Variants in ACTR8 observed in about 807,000 individuals in gnomAD.
ACTR8 encodes actin related protein 8, also known as actin-related protein 8.
Under a neutral mutation model 84.3 loss-of-function variants are expected in ACTR8, and 70 were observed. That is an observed-to-expected ratio of 0.83 (90% CI 0.68 to 1.01). The LOEUF is 1.01. Among genes scored for constraint, ACTR8 ranks in the 50% least tolerant of loss-of-function variants. The probability of loss-of-function intolerance (pLI) is 0.00; values close to 1 mark genes in which losing one functional copy is unlikely to be tolerated. For missense variants in ACTR8, 672 were observed against 775.4 expected, an observed-to-expected ratio of 0.87 and a Z score of 1.58; for synonymous variants, 268 against 275.2, an observed-to-expected ratio of 0.97 and a Z score of 0.26.
rs767870734 is a variant in ACTR8, at chr3:53,870,931, A to G, written c.1567+301T>C. On this transcript the variant is annotated intron_variant, in intron 11 of 12. Coordinates refer to ENST00000335754, the MANE Select transcript of ACTR8 (RefSeq NM_022899.5). The surrounding 1 kb of genome is among the most constrained non-coding windows in gnomAD (Gnocchi z 4.1). ...TTCCTCAAATTATTACACAAATGTG[A>G]AAGTACCACTGGCAGGTGCTACAAA... Among the ~76,000 whole-genome samples the G allele has an allele frequency of 1.1e-4, 17 of 152,228 alleles. No individual in the cohort carries two copies. Among genetic ancestry groups the G allele is most frequent in the Non-Finnish European group, 1.9e-4 (13 of 68,036 alleles).
At chr3:53,877,420 T>A (rs1699992958) in intron 4 of ACTR8, 33 bp from the exon 5 acceptor site, 59 of 1,552,880 alleles carry the variant, frequency 3.8e-5, no homozygotes, top group Non-Finnish European at 5.1e-5. Flanking sequence ...AGTACTTTGT[T>A]AAAACTTTTC....
chr3:53,875,661 A>C (rs1174213908), intron 7 of ACTR8, among the ~76,000 whole-genome samples: 1 of 152,254 alleles, frequency 6.6e-6, no homozygotes, highest in East Asian at 1.9e-4. Context: ...AAAGACACGA[A>C]GCTACTGTTT....
rs1259452294 is a variant in ACTR8 at position 53,882,138 on chromosome 3, G to A, written c.-37C>T. 1.9e-6 allele frequency: 3 copies of A among 1,548,096 alleles called. No individual in the cohort carries two copies. Among genetic ancestry groups the A allele is most frequent in the African/African-American group, 2.7e-5 (2 of 73,038 alleles). On this transcript the variant is annotated 5_prime_UTR_variant, in exon 1 of 13. Transcript: ENST00000335754. ...ACACCCACCAACCTCTCGCCTCAGC[G>A]CTGCAGCCACGACTGCCGGGATGGA...
In ACTR8 at chr3:53,877,882, T is replaced by G. The variant is rs1700000803; in HGVS notation, c.406-131A>C. 3 of 689,546 alleles carry G rather than the reference T, an allele frequency of 4.4e-6. No homozygotes were observed. The Admixed American group carries it at 8.9e-5, about 20-fold the overall frequency. The allele number at this position is 689,546 out of a possible 1,614,324, so 42.7% of individuals were successfully genotyped here. A position where few individuals can be genotyped will look rare whatever the true frequency, so the allele number is the denominator to read the frequency against. ...TAATCACAAATATTTGGCAAAATAT[T>G]GACTGGCTGCAAAAGGATTCTCTTG... On this transcript the variant is annotated intron_variant, in intron 3 of 12. Transcript: ENST00000335754.
In ACTR8 at chr3:53,877,318, G is replaced by A; in HGVS notation, c.580C>T (p.His194Tyr). ...GTAAGAGAGCCCCCAGGGCCTGGGT[G>A]AATATTTAACTGACCTCTTCTGATA... ...WPIRRGQLNI[H>Y]PGPGGSLTAV... The change falls in exon 5 of 13, where the codon CAC becomes TAC. Residue 194 changes from histidine to tyrosine, a missense_variant. Coordinates refer to ENST00000335754, the MANE Select transcript of ACTR8 (RefSeq NM_022899.5). The A allele has an allele frequency of 6.2e-7, 1 of 1,614,050 alleles. No homozygotes were observed. Among genetic ancestry groups the A allele is most frequent in the Non-Finnish European group, 8.5e-7 (1 of 1,179,908 alleles).
intron 7 of ACTR8, among the ~76,000 whole-genome samples, chr3:53,875,039 G>A (rs1355732943): frequency 6.6e-6 from 1 of 152,176 alleles, no homozygotes; most frequent in East Asian, 1.9e-4. Flanking sequence ...CAAACTTATG[G>A]GAGAATAGCT....
chr3:53,872,648 TG>T, intron 9 of ACTR8, 124 bp from the exon 10 acceptor site: 1 of 1,219,926 alleles, frequency 8.2e-7, no homozygotes, highest in South Asian at 1.8e-5. Context: ...GACTGGGCAA[TG>T]TTCTCTTTCG....
At chr3:53,865,242 T>C (rs1205552854), downstream of ACTR8, 1 of 1,613,226 alleles carries the variant, frequency 6.2e-7, no homozygotes, top group Admixed American at 1.7e-5. Flanking sequence ...AACTTCTCCA[T>C]GTCAAGCAGC....
chr3:53,876,114 T>C, intron 6 of ACTR8, 34 bp from the exon 7 acceptor site: 3 of 1,612,142 alleles, frequency 1.9e-6, no homozygotes, highest in East Asian at 2.2e-5. Flanking sequence ...GAGTAGTCAT[T>C]AGCTGTAGCA....
At chr3:53,869,878 AG>A in intron 12 of ACTR8, 103 bp downstream of exon 12, 1 of 1,389,120 alleles carries the variant, frequency 7.2e-7, no homozygotes, top group Non-Finnish European at 9.8e-7. Flanking sequence ...TAAGCCCTCA[AG>A]AACTCCTCAG....
At chr3:53,878,533 T>C in intron 2 of ACTR8, 66 bp from the exon 3 acceptor site, 1 of 948,632 alleles carries the variant, frequency 1.1e-6, no homozygotes, top group Non-Finnish European at 1.7e-6. Context: ...ATTCAAAAAC[T>C]ACTAATTTAA....
chr3:53,873,225 A>G, intron 8 of ACTR8, 98 bp from the exon 9 acceptor site: 1 of 875,890 alleles, frequency 1.1e-6, no homozygotes, highest in East Asian at 2.8e-5. Flanking sequence ...TATCACCTAT[A>G]AAAAGGCCAA....
intron 9 of ACTR8, among the ~76,000 whole-genome samples, 193 bp from the exon 10 acceptor site, chr3:53,872,717 C>A (rs1038941902): frequency 2.6e-5 from 4 of 152,202 alleles, no homozygotes; most frequent in African/African-American, 9.7e-5. Flanking sequence ...ATCATCCAAC[C>A]AGATGGGTGA....
intron 9 of ACTR8, among the ~76,000 whole-genome samples, chr3:53,872,802 A>T (rs1699906748): frequency 6.6e-6 from 1 of 152,230 alleles, no homozygotes; most frequent in Admixed American, 6.5e-5. Flanking sequence ...TCCTAGTAAG[A>T]ATGATACCTT....
Position 53,879,156 on chromosome 3 carries a change from CTTTTGAT to C in ACTR8, c.295-696_295-690del, listed in dbSNP as rs1026381390. On this transcript the variant is annotated intron_variant, in intron 2 of 12. Coordinates refer to ENST00000335754, the MANE Select transcript of ACTR8 (RefSeq NM_022899.5). ...ATAAATATCTTTACAGAAATGTTTTCTTTTGATTTTTATTTCTTAAACGTACTCCCTA... is the reference window on the plus strand; with the variant it reads ...ATAAATATCTTTACAGAAATGTTTTCTTTTATTTCTTAAACGTACTCCCTA... Among the ~76,000 whole-genome samples, 11 of 152,198 alleles carry C rather than the reference CTTTTGAT, an allele frequency of 7.2e-5. 1 individual carries two copies. In the East Asian group the frequency reaches 1.9e-3, roughly 27 times the overall value.
chr3:53,877,897 G>A, intron 3 of ACTR8, 146 bp from the exon 4 acceptor site: 1 of 647,176 alleles, frequency 1.5e-6, no homozygotes, highest in Non-Finnish European at 2.7e-6. Flanking sequence ...GGCTGCAAAA[G>A]GATTCTCTTG....
intron 10 of ACTR8, 94 bp from the exon 11 acceptor site, chr3:53,871,590 A>G (rs1269812924): frequency 1.4e-6 from 2 of 1,433,798 alleles, no homozygotes; most frequent in Non-Finnish European, 1.9e-6. Context: ...CTACTACTAT[A>G]AAACAAAAGC....
In ACTR8 at chr3:53,871,410, T is replaced by C. The variant is rs1699881714; in HGVS notation, c.1389A>G (p.Pro463=). ...CTACCTCCTGGGAATGGAGTCTTTC[T>C]GGAAGATCAGAGGACTGGCCACGAA... is the stretch of plus-strand genomic sequence containing the variant. ...GDLRGQSSDL[P]ERLHSQEVDL... is the part of the protein sequence containing the mutation. Residue 463 remains proline, a synonymous_variant, in exon 11 of 13, where the codon CCA becomes CCG. Transcript: ENST00000335754. 5 of 1,614,132 alleles carry C rather than the reference T, an allele frequency of 3.1e-6. No individual in the cohort carries two copies. The African/African-American group carries it at 5.3e-5, about 17-fold the overall frequency.
chr3:53,872,988 G>C, intron 9 of ACTR8, 44 bp downstream of exon 9: 1 of 1,435,404 alleles, frequency 7.0e-7, no homozygotes, highest in Non-Finnish European at 9.7e-7. Flanking sequence ...ATTGAACCTG[G>C]ATAACTTTCT....
Sources: allele counts gnomAD v4.1 joint callset (sites outside exome capture counted in the v4.1 genomes callset), GRCh38; gene constraint gnomAD v4.1.1; non-coding constraint Gnocchi (gnomAD v3.1); transcripts MANE v1.5; gene names NCBI Gene and HGNC (gene_info 2026-07-23, HGNC 2026-07-21).